The following P3H4 variants were observed in gnomAD, a reference collection of about 807,000 sequenced individuals.
P3H4 encodes the protein endoplasmic reticulum protein SC65.
In P3H4, 47 loss-of-function variants were observed where a neutral mutation model predicts 52.9. The observed-to-expected ratio is 0.89, with a 90% CI of 0.70 to 1.13. P3H4 has a LOEUF of 1.13. P3H4 is among the 50% of genes most tolerant of loss of function. The pLI, the probability that P3H4 is intolerant of heterozygous loss-of-function variation, is 0.00. For synonymous variants in P3H4, 256 were observed against 267.9 expected (o/e 0.96, Z 0.44); for missense variants, 585 against 611.0 (o/e 0.96, Z 0.45).
rs2047626692 is a variant in P3H4 at position 41,802,342 on chromosome 17, T to C, written c.*615A>G. The C allele has an allele frequency of 6.7e-6, 1 of 148,256 alleles. No individual in the cohort carries two copies. Among genetic ancestry groups the C allele is most frequent in the Admixed American group, 6.9e-5 (1 of 14,526 alleles). The allele number at this position is 148,256 out of a possible 1,614,324, so 9.2% of individuals were successfully genotyped here. A position where few individuals can be genotyped will look rare whatever the true frequency, so the allele number is the denominator to read the frequency against. ...CCCAGGCTGGAGTGCAGTGGCACGA[T>C]CTCGGCTCACTGCAAGCTCCGCCTC... On this transcript the variant is annotated 3_prime_UTR_variant, in exon 8 of 8. Coordinates refer to ENST00000393928, the MANE Select transcript of P3H4 (RefSeq NM_006455.3).
rs781834110 is a variant in P3H4 at position 41,811,438 on chromosome 17, G to A, written c.462+16C>T. The A allele has an allele frequency of 3.7e-6, 6 of 1,611,368 alleles. No individual in the cohort carries two copies. The highest frequency in any genetic ancestry group is 1.7e-5 in the Admixed American group (1 of 59,876). On this transcript the variant is annotated intron_variant, in intron 1 of 7. Transcript: ENST00000393928. This position sits in a 1 kb window ranked among gnomAD's most constrained non-coding sequence, Gnocchi z 4.8. Reference sequence around the variant, plus strand: ...CCCAGCCCGAGACAGGTCCCCGGGTGGGGGCGGGCTCCCACCTTGAACAGC... The same window carrying A: ...CCCAGCCCGAGACAGGTCCCCGGGTAGGGGCGGGCTCCCACCTTGAACAGC...
rs782030263 is a variant in P3H4, at chr17:41,807,997, A to G, written c.924T>C (p.Asp308=). The change falls in exon 5 of 8, where the codon GAT becomes GAC. Residue 308 remains aspartate (D), a synonymous_variant. Coordinates refer to ENST00000393928, the MANE Select transcript of P3H4 (RefSeq NM_006455.3). ...CGGCGCTGCGGGCAGCCTGGCGCAC[A>G]TCATTCACTGCAGCAGGACAGGGGT... ...YLQFAYYKLN[D]VRQAARSAAS... 1.9e-6 allele frequency: 3 copies of G among 1,613,402 alleles called. No individual in the cohort carries two copies. The highest frequency in any genetic ancestry group is 4.5e-5 in the East Asian group (2 of 44,834).
rs372019535 is a variant in P3H4, at chr17:41,811,302, G to A, written c.463-18C>T. 12 of 1,611,480 alleles carry A rather than the reference G, an allele frequency of 7.4e-6. No homozygotes were observed. The highest frequency in any genetic ancestry group is 3.4e-4 in the Middle Eastern group (2 of 5,914). ...CGGTTAGCCTGGTCGGGGGGTAGGG[G>A]GTGGGGGAGCGGGTCAGCAAGACCG... On this transcript the variant is annotated intron_variant, in intron 1 of 7. Transcript: ENST00000393928. This position sits in a 1 kb window ranked among gnomAD's most constrained non-coding sequence, Gnocchi z 4.8.
chr17:41,811,300 G>C lies in P3H4; in HGVS notation c.463-16C>G, dbSNP rs1448338930. The C allele has an allele frequency of 1.9e-6, 3 of 1,611,706 alleles. No homozygotes were observed. The highest frequency in any genetic ancestry group is 2.7e-5 in the African/African-American group (2 of 74,956). On this transcript the variant is annotated splice_polypyrimidine_tract_variant and intron_variant, in intron 1 of 7. Coordinates refer to ENST00000393928, the MANE Select transcript of P3H4 (RefSeq NM_006455.3). This position sits in a 1 kb window ranked among gnomAD's most constrained non-coding sequence, Gnocchi z 4.8. ...GCCGGTTAGCCTGGTCGGGGGGTAG[G>C]GGGTGGGGGAGCGGGTCAGCAAGAC...
Position 41,802,801 on chromosome 17 carries a change from C to T in P3H4, c.*156G>A, listed in dbSNP as rs1221489227. ...TCCTGGCCTCAAGTGATCCACCCACCTTGGCCTCCCAAAATGCTGGGATTA... is the reference window on the plus strand; with the variant it reads ...TCCTGGCCTCAAGTGATCCACCCACTTTGGCCTCCCAAAATGCTGGGATTA... On this transcript the variant is annotated 3_prime_UTR_variant, in exon 8 of 8. Transcript: ENST00000393928. 31 of 721,754 alleles carry T rather than the reference C, an allele frequency of 4.3e-5. No individual in the cohort carries two copies. Among genetic ancestry groups the T allele is most frequent in the Non-Finnish European group, 6.9e-5 (30 of 432,926 alleles). The allele number at this position is 721,754 out of a possible 1,614,324, so 44.7% of individuals were successfully genotyped here.
At chr17:41,809,677 G>A (rs554531091) in intron 4 of P3H4, 29 bp downstream of exon 4, 1 of 1,608,712 alleles carries the variant, frequency 6.2e-7, no homozygotes, top group East Asian at 2.2e-5. Context: ...CTCGTCCCCT[G>A]CCCAAGCCAG....
chr17:41,803,541 GC>G (rs1244211530), intron 6 of P3H4, 110 bp from the exon 7 acceptor site: 2 of 932,902 alleles, frequency 2.1e-6, no homozygotes, highest in African/African-American at 3.3e-5. Context: ...GGTCCCCAAA[GC>G]CCCTCCCCCT....
At position 41,811,585 on chromosome 17, in the gene P3H4, C is replaced by T; in HGVS notation, c.331G>A (p.Glu111Lys). Reference protein sequence around the residue: ...CELRLFGRVLERAACLRRCKR... With the variant: ...CELRLFGRVLKRAACLRRCKR... ...CAGCGCCGCAGGCAGGCGGCTCGCT[C>T]CAGGACGCGGCCGAAGAGCCGCAGC... Residue 111 changes from glutamate (E) to lysine (K), a missense_variant, in exon 1 of 8, where the codon GAG becomes AAG. Coordinates refer to ENST00000393928, the MANE Select transcript of P3H4 (RefSeq NM_006455.3). This position sits in a 1 kb window ranked among gnomAD's most constrained non-coding sequence, Gnocchi z 4.8. 6.3e-7 allele frequency: 1 copy of T among 1,591,538 alleles called. No individual in the cohort carries two copies.
At chr17:41,803,500 C>G in intron 6 of P3H4, 69 bp from the exon 7 acceptor site, 1 of 1,413,720 alleles carries the variant, frequency 7.1e-7, no homozygotes, top group Non-Finnish European at 9.8e-7. Flanking sequence ...GGCTCCCTTC[C>G]TGGCCAATGG....
intron 5 of P3H4, chr17:41,807,245 G>A (rs1305060161): frequency 6.6e-6 from 2 of 301,864 alleles, no homozygotes; most frequent in Non-Finnish European, 1.3e-5. Context: ...GGGTAATGAA[G>A]GTAGGGAGGG....
In P3H4 at chr17:41,804,698, G is replaced by A. The variant is rs575504663; in HGVS notation, c.1147-1267C>T. On this transcript the variant is annotated intron_variant, in intron 6 of 7. Transcript: ENST00000393928. The stretch of plus-strand genomic sequence containing the variant: ...TACATACTTGATCTCAGCCAGGAGC[G>A]GTGGCTCACGCCTGTAAACCTAGCA... Among the ~76,000 whole-genome samples, 4 of 152,022 alleles carry A rather than the reference G, an allele frequency of 2.6e-5. No homozygotes were observed. The South Asian group carries it at 6.2e-4, about 24-fold the overall frequency.
rs782587261 is a variant in P3H4, at chr17:41,811,609, GCTCGCAGGCCCA to G, written c.295_306del (p.Trp99_Glu102del). The stretch of plus-strand genomic sequence containing the variant: ...TCCAGGACGCGGCCGAAGAGCCGCA[GCTCGCAGGCCCA>G]CTCGTCTGCGCGGCCGCCGTCGGGA... On this transcript the variant is annotated inframe_deletion, in exon 1 of 8. Coordinates refer to ENST00000393928, the MANE Select transcript of P3H4 (RefSeq NM_006455.3). This position sits in a 1 kb window ranked among gnomAD's most constrained non-coding sequence, Gnocchi z 4.8. 7.7e-6 allele frequency: 12 copies of G among 1,549,916 alleles called. No individual in the cohort carries two copies. The highest frequency in any genetic ancestry group is 3.8e-4 in the Middle Eastern group (2 of 5,248).
chr17:41,803,091 T>A (rs1270359102), intron 7 of P3H4, 112 bp from the exon 8 acceptor site: 2 of 1,447,960 alleles, frequency 1.4e-6, no homozygotes, highest in Admixed American at 2.1e-5. Context: ...AGGTCTCAGC[T>A]GGTCCCAGCT....
chr17:41,810,870 G>T lies in P3H4; in HGVS notation c.780C>A (p.Ala260=). The T allele has an allele frequency of 6.2e-7, 1 of 1,613,208 alleles. No individual in the cohort carries two copies. The change falls in exon 3 of 8, where the codon GCC becomes GCA. Residue 260 remains alanine (A), a synonymous_variant. Coordinates refer to ENST00000393928, the MANE Select transcript of P3H4 (RefSeq NM_006455.3). ...GGTCTGGGTGGCAGATACCTGCTATGGCCGGGTAGAAGTCCTTGAAGTCCA... is the reference window on the plus strand; with the variant it reads ...GGTCTGGGTGGCAGATACCTGCTATTGCCGGGTAGAAGTCCTTGAAGTCCA... ...EQVDFKDFYP[A]IADLFAESLQ...
chr17:41,808,140 A>G (rs1438138343), intron 4 of P3H4, 136 bp from the exon 5 acceptor site: 3 of 1,110,426 alleles, frequency 2.7e-6, no homozygotes, highest in African/African-American at 1.6e-5. Flanking sequence ...CCACCCAAGC[A>G]TAATGCCAGC....
intron 3 of P3H4, among the ~76,000 whole-genome samples, chr17:41,810,213 G>T (rs1445534011): frequency 7.1e-6 from 1 of 140,484 alleles, no homozygotes; most frequent in Admixed American, 7.6e-5. Context: ...TCGCCCTGTC[G>T]ACCAGGCTGG....
intron 6 of P3H4, 94 bp downstream of exon 6, chr17:41,806,702 G>C: frequency 9.8e-7 from 1 of 1,020,970 alleles, no homozygotes; most frequent in East Asian, 2.6e-5. Flanking sequence ...TGACCACCAG[G>C]GGCTGGGGCT....
intron 6 of P3H4, among the ~76,000 whole-genome samples, chr17:41,803,750 T>C (rs542176522): frequency 6.6e-6 from 1 of 152,330 alleles, no homozygotes; most frequent in Non-Finnish European, 1.5e-5. Context: ...ACTGTTTCCC[T>C]GCCAGGAACT....
chr17:41,811,212 C>T lies in P3H4; in HGVS notation c.535G>A (p.Ala179Thr). 1 of 1,614,110 alleles carries T rather than the reference C, an allele frequency of 6.2e-7. No homozygotes were observed. Among genetic ancestry groups the T allele is most frequent in the South Asian group, 1.1e-5 (1 of 91,074 alleles). Residue 179 changes from alanine (A) to threonine (T), a missense_variant, in exon 2 of 8, where the codon GCC (alanine) becomes ACC (threonine). By Grantham distance (58) the Ala-to-Thr change is moderately conservative. Coordinates refer to ENST00000393928, the MANE Select transcript of P3H4 (RefSeq NM_006455.3). The surrounding 1 kb of genome is among the most constrained non-coding windows in gnomAD (Gnocchi z 4.8). ...CCCTGATAGTAGTTGAGATACTTGGCGGTCAGCTCGTGCTTCGGGTTCCTC... is the reference window on the plus strand; with the variant it reads ...CCCTGATAGTAGTTGAGATACTTGGTGGTCAGCTCGTGCTTCGGGTTCCTC... The part of the protein sequence containing the change: ...LQRNPKHELT[A>T]KYLNYYQGML...
Sources: allele counts gnomAD v4.1 joint callset (sites outside exome capture counted in the v4.1 genomes callset), GRCh38; gene constraint gnomAD v4.1.1; non-coding constraint Gnocchi (gnomAD v3.1); transcripts MANE v1.5; gene names NCBI Gene and HGNC (gene_info 2026-07-23, HGNC 2026-07-21).